Variants in ANXA8 observed in about 807,000 individuals in gnomAD.
The protein encoded by ANXA8 is annexin A8, also known as VAC-beta.
In ANXA8, 9 loss-of-function variants were observed where a neutral mutation model predicts 26.8. The ratio of observed to expected loss-of-function variants is 0.34; its 90% CI spans 0.20 to 0.59. The LOEUF (loss-of-function observed/expected upper bound fraction) is 0.59, where lower values mean the gene tolerates loss of function less well. Ranked by LOEUF, ANXA8 falls within the 20% of genes least tolerant of loss-of-function variation. The probability of loss-of-function intolerance (pLI) is 0.84; values close to 1 mark genes in which losing one functional copy is unlikely to be tolerated. For missense variants in ANXA8, 83 were observed against 238.5 expected (o/e 0.35, Z 4.29); for synonymous variants, 39 against 94.8 (o/e 0.41, Z 3.42).
chr10:47,977,442 G>T, the ANXA8 span, among the ~76,000 whole-genome samples: 1 of 150,704 alleles, frequency 6.6e-6, no homozygotes, highest in African/African-American at 2.4e-5. Context: ...CTATTCACAG[G>T]GAAAAAGCTG....
the ANXA8 span, among the ~76,000 whole-genome samples, chr10:47,935,550 GGAGGT>G: frequency 6.6e-6 from 1 of 150,522 alleles, no homozygotes; most frequent in South Asian, 2.1e-4. Context: ...CAGAAGCCCA[GGAGGT>G]GAGACTGAGC....
At chr10:47,555,401 T>C in the ANXA8 span, among the ~76,000 whole-genome samples, 1 of 151,392 alleles carries the variant, frequency 6.6e-6, no homozygotes, top group Non-Finnish European at 1.5e-5. Flanking sequence ...ACCTGAGCCC[T>C]AGACTAGTAG....
At chr10:47,493,557 C>A in the ANXA8 span, among the ~76,000 whole-genome samples, 2 of 149,954 alleles carry the variant, frequency 1.3e-5, no homozygotes. Flanking sequence ...GCTTCCAGAC[C>A]CCACAGACCC....
the ANXA8 span, among the ~76,000 whole-genome samples, chr10:47,954,099 A>G: frequency 9.3e-5 from 14 of 151,070 alleles, 2 homozygotes; most frequent in East Asian, 2.6e-3. Context: ...TTCCATGTTT[A>G]TTGCAACACT....
chr10:47,503,023 G>C, the ANXA8 span: 9 of 1,607,532 alleles, frequency 5.6e-6, no homozygotes, highest in South Asian at 6.6e-5. Context: ...ACCCAGCCCG[G>C]TGTCCATGTC....
the ANXA8 span, among the ~76,000 whole-genome samples, chr10:47,687,773 T>C: frequency 1.8e-4 from 28 of 151,852 alleles, no homozygotes; most frequent in Non-Finnish European, 3.5e-4. Context: ...TATGTAGTTA[T>C]AGCAATAGTA....
chr10:47,765,917 A>C, the ANXA8 span, among the ~76,000 whole-genome samples: 1 of 147,806 alleles, frequency 6.8e-6, no homozygotes, highest in African/African-American at 2.5e-5. Flanking sequence ...CCCTGTCTGA[A>C]ATACTCAATG....
At chr10:47,488,727 T>G (rs1840090479), upstream of ANXA8, among the ~76,000 whole-genome samples, 1 of 120,888 alleles carries the variant, frequency 8.3e-6, no homozygotes, top group Non-Finnish European at 1.7e-5. Flanking sequence ...TTTTTTTTTT[T>G]TTTTTTTTTT....
the ANXA8 span, among the ~76,000 whole-genome samples, chr10:47,733,203 TTCTTTCTTTCTTTCTTTCTCTTTCTTTC>T: frequency 7.3e-4 from 79 of 107,790 alleles, 3 homozygotes; most frequent in Admixed American, 2.7e-3. Context: ...CTTTCTTTCT[TTCTTTCTTTCTTTCTTTCTCTTTCTTTC>T]TCTCTTTCTT....
At chr10:47,916,826 GC>G in the ANXA8 span, among the ~76,000 whole-genome samples, 2 of 97,054 alleles carry the variant, frequency 2.1e-5, no homozygotes, top group Admixed American at 1.1e-4. Context: ...CCACACAGCT[GC>G]CCTGCAAGAA....
At chr10:47,730,187 C>T in the ANXA8 span, 1 of 400,964 alleles carries the variant, frequency 2.5e-6, no homozygotes, top group Non-Finnish European at 4.2e-6. Context: ...GTGTGTGCTC[C>T]TGTCAAGCTA....
chr10:47,522,216 A>T, the ANXA8 span, among the ~76,000 whole-genome samples: 2 of 141,764 alleles, frequency 1.4e-5, 1 homozygote, highest in African/African-American at 5.3e-5. Context: ...TATATTACAC[A>T]TTAAAAGTCT....
the ANXA8 span, among the ~76,000 whole-genome samples, chr10:47,609,174 A>C: frequency 2.8e-5 from 4 of 145,216 alleles, 1 homozygote; most frequent in African/African-American, 1.1e-4. Context: ...ATTTCAAAGA[A>C]TGCAAAACCA....
the ANXA8 span, among the ~76,000 whole-genome samples, chr10:47,946,452 A>C: frequency 1.3e-5 from 2 of 150,486 alleles, no homozygotes; most frequent in African/African-American, 4.9e-5. Context: ...CCCAACATCA[A>C]GGCCAGAGCC....
At chr10:47,673,312 C>A in the ANXA8 span, among the ~76,000 whole-genome samples, 20 of 151,578 alleles carry the variant, frequency 1.3e-4, no homozygotes, top group African/African-American at 4.6e-4. Context: ...GGCAGGATTG[C>A]TGAGAAAAAT....
At chr10:47,960,434 G>A in the ANXA8 span, among the ~76,000 whole-genome samples, 1 of 147,406 alleles carries the variant, frequency 6.8e-6, no homozygotes, top group Non-Finnish European at 1.5e-5. Flanking sequence ...TCAGCTAAGG[G>A]GACAGAAGGA....
the ANXA8 span, among the ~76,000 whole-genome samples, chr10:47,648,458 C>A: frequency 6.7e-6 from 1 of 150,024 alleles, no homozygotes; most frequent in Admixed American, 6.6e-5. Flanking sequence ...TCTGTAGCAG[C>A]ATTTCAATCT....
the ANXA8 span, among the ~76,000 whole-genome samples, chr10:47,991,493 G>A: frequency 1.4e-5 from 2 of 145,856 alleles, no homozygotes; most frequent in African/African-American, 2.6e-5. Flanking sequence ...CATCCCTGCC[G>A]TGGGCACTCT....
the ANXA8 span, among the ~76,000 whole-genome samples, chr10:47,705,283 T>C: frequency 2.1e-5 from 3 of 142,166 alleles, no homozygotes; most frequent in Admixed American, 7.3e-5. Context: ...CTGTAAAAGA[T>C]ACAAGTTTAG....
Sources: allele counts gnomAD v4.1 joint callset (sites outside exome capture counted in the v4.1 genomes callset), GRCh38; gene constraint gnomAD v4.1.1; transcripts MANE v1.5; gene names NCBI Gene and HGNC (gene_info 2026-07-23, HGNC 2026-07-21).